CDH13: variants seen among roughly 807,000 people sequenced by gnomAD.
The protein encoded by CDH13 is cadherin 13, also known as cadherin-13.
Under a neutral mutation model 63.8 loss-of-function variants are expected in CDH13, and 24 were observed. That is an observed-to-expected ratio of 0.38 (90% confidence interval 0.27 to 0.53). The LOEUF (loss-of-function observed/expected upper bound fraction) is 0.53, where lower values mean the gene tolerates loss of function less well. CDH13 is among the 20% of genes least tolerant of loss of function. CDH13 has a pLI of 0.85. For synonymous variants in CDH13, 503 were observed against 355.3 expected (o/e 1.42, Z -4.67); for missense variants, 1,049 against 903.1 (o/e 1.16, Z -2.07).
chr16:82,764,959 C>T (rs8054663), intron 1 of CDH13, among the ~76,000 whole-genome samples: 2,254 of 152,062 alleles, frequency 0.015, 57 homozygotes, highest in African/African-American at 0.052. Flanking sequence ...AAACTACAGA[C>T]GTGTGCCACT....
At chr16:83,460,014 A>G (rs2073133276) in intron 6 of CDH13, among the ~76,000 whole-genome samples, 1 of 152,234 alleles carries the variant, frequency 6.6e-6, no homozygotes, top group African/African-American at 2.4e-5. Flanking sequence ...CATTTAATTG[A>G]TAGGGGATCA....
chr16:83,492,397 G>A (rs2074034603), intron 7 of CDH13, among the ~76,000 whole-genome samples: 1 of 152,114 alleles, frequency 6.6e-6, no homozygotes, highest in Middle Eastern at 3.2e-3. Context: ...ATCTTGCTTT[G>A]TTTTGGTGGG....
chr16:83,611,765 C>A (rs1908882973), intron 8 of CDH13, among the ~76,000 whole-genome samples: 1 of 151,854 alleles, frequency 6.6e-6, no homozygotes, highest in Non-Finnish European at 1.5e-5. Flanking sequence ...TTTCTTGGGT[C>A]CCTTTTGTGA....
intron 4 of CDH13, among the ~76,000 whole-genome samples, chr16:83,155,582 C>G (rs1165363252): frequency 1.3e-5 from 2 of 150,222 alleles, no homozygotes; most frequent in Admixed American, 6.6e-5. Context: ...TAAAGTCAAA[C>G]AAGTTAAATG....
chr16:82,748,374 C>G (rs967112115), intron 1 of CDH13, among the ~76,000 whole-genome samples: 2 of 152,142 alleles, frequency 1.3e-5, no homozygotes, highest in Non-Finnish European at 2.9e-5. Flanking sequence ...ACTTCCAGGA[C>G]AAAATGGTTG....
intron 8 of CDH13, among the ~76,000 whole-genome samples, chr16:83,656,750 A>T (rs914032697): frequency 2.0e-5 from 3 of 152,228 alleles, no homozygotes; most frequent in Non-Finnish European, 4.4e-5. Flanking sequence ...CAGTTTTGGC[A>T]ATATCACAGC....
At chr16:83,370,177 G>A (rs1166557570) in intron 6 of CDH13, among the ~76,000 whole-genome samples, 1 of 152,156 alleles carries the variant, frequency 6.6e-6, no homozygotes, top group Non-Finnish European at 1.5e-5. Flanking sequence ...CGTGAAGTCA[G>A]GAGATTGAGA....
At chr16:82,746,759 T>A (rs1597462252) in intron 1 of CDH13, among the ~76,000 whole-genome samples, 1 of 152,226 alleles carries the variant, frequency 6.6e-6, no homozygotes, top group South Asian at 2.1e-4. Flanking sequence ...TTGAAAAAAA[T>A]TTCAGCTTAT....
chr16:82,689,982 TAAAAAAAAAA>T lies in CDH13; in HGVS notation c.45+62872_45+62881del, dbSNP rs71146085. ...CAACATGGTGAAACGCCATCTCTAC[TAAAAAAAAAA>T]AAAAAAAAAAAAAAAAAAAAAAAAA... is the stretch of plus-strand genomic sequence containing the variant. On this transcript the variant is annotated intron_variant, in intron 1 of 13. Transcript: ENST00000567109. 7.9e-3 allele frequency among the ~76,000 whole-genome samples: 124 copies of T among 15,774 alleles called. 1 individual carries two copies. Among genetic ancestry groups the T allele is most frequent in the African/African-American group, 0.025 (107 of 4,338 alleles). 10.3% of individuals were successfully genotyped at this position (15,774 alleles called of 152,430 possible). A position where few individuals can be genotyped will look rare whatever the true frequency, so the allele number is the denominator to read the frequency against.
At chr16:83,477,737 C>T (rs192712166) in intron 6 of CDH13, among the ~76,000 whole-genome samples, 2 of 152,270 alleles carry the variant, frequency 1.3e-5, no homozygotes, top group Non-Finnish European at 2.9e-5. Context: ...GAAAGAATGG[C>T]TCTACCAACA....
At chr16:82,668,327 C>T (rs1157153696) in intron 1 of CDH13, among the ~76,000 whole-genome samples, 1 of 152,060 alleles carries the variant, frequency 6.6e-6, no homozygotes, top group Non-Finnish European at 1.5e-5. Flanking sequence ...TGGCATCAGG[C>T]CCGCTGATAA....
At chr16:83,086,897 C>G (rs1039727504) in intron 3 of CDH13, among the ~76,000 whole-genome samples, 1 of 152,022 alleles carries the variant, frequency 6.6e-6, no homozygotes, top group African/African-American at 2.4e-5. Flanking sequence ...GCAGAAAGAA[C>G]GAGAGCAAAA....
chr16:83,214,630 G>T (rs889217148), intron 4 of CDH13, among the ~76,000 whole-genome samples: 12 of 133,786 alleles, frequency 9.0e-5, no homozygotes, highest in African/African-American at 3.1e-4. Flanking sequence ...CCTCAGAAAA[G>T]GATAGAGATA....
chr16:83,486,141 T>TAAAAAAAAAAAAA (rs138896605), intron 6 of CDH13, among the ~76,000 whole-genome samples: 1 of 150,700 alleles, frequency 6.6e-6, no homozygotes, highest in African/African-American at 2.5e-5. Context: ...AGACTCTGTC[T>TAAAAAAAAAAAAA]AAAAAAATGA....
chr16:83,331,572 CT>C, intron 5 of CDH13, among the ~76,000 whole-genome samples: 1 of 152,230 alleles, frequency 6.6e-6, no homozygotes, highest in African/African-American at 2.4e-5. Flanking sequence ...TTATTGATTT[CT>C]TTTTTAACTT....
chr16:82,931,015 G>T (rs1322627554), intron 2 of CDH13, among the ~76,000 whole-genome samples: 2 of 152,182 alleles, frequency 1.3e-5, no homozygotes, highest in African/African-American at 4.8e-5. Context: ...TTCTATTACT[G>T]AAGAGGTTGA....
intron 10 of CDH13, among the ~76,000 whole-genome samples, chr16:83,714,927 T>C (rs1285473315): frequency 1.3e-5 from 2 of 152,174 alleles, no homozygotes; most frequent in African/African-American, 4.8e-5. Flanking sequence ...AAAGGAAAAG[T>C]CTTGAGTGTG....
chr16:82,728,569 C>T (rs1420151939), intron 1 of CDH13, among the ~76,000 whole-genome samples: 3 of 152,044 alleles, frequency 2.0e-5, no homozygotes, highest in Admixed American at 6.6e-5. Context: ...TTTATTGCTA[C>T]AAAATATGAA....
chr16:82,981,897 C>A (rs1240941824), intron 2 of CDH13, among the ~76,000 whole-genome samples: 1 of 152,158 alleles, frequency 6.6e-6, no homozygotes, highest in Non-Finnish European at 1.5e-5. Context: ...TGTTGACTTT[C>A]TTCCTTTCCT....
Sources: allele counts gnomAD v4.1 joint callset (sites outside exome capture counted in the v4.1 genomes callset), GRCh38; gene constraint gnomAD v4.1.1; transcripts MANE v1.5; gene names NCBI Gene and HGNC (gene_info 2026-07-23, HGNC 2026-07-21).